PSTPIP1: variants seen among roughly 807,000 people sequenced by gnomAD.
The protein encoded by PSTPIP1 is proline-serine-threonine phosphatase interacting protein 1, also known as proline-serine-threonine phosphatase-interacting protein 1.
PSTPIP1 carries 66 observed loss-of-function variants against 69.6 expected under a neutral mutation model. The observed-to-expected ratio is 0.95, with a 90% CI of 0.78 to 1.16. The LOEUF is 1.16. Among genes scored for constraint, PSTPIP1 ranks in the 50% most tolerant of loss-of-function variants. The pLI is 0.00. For synonymous variants in PSTPIP1, 266 were observed against 222.7 expected (o/e 1.19, Z -1.73); for missense variants, 603 against 557.4 (o/e 1.08, Z -0.82).
At position 77,022,039 on chromosome 15, in the gene PSTPIP1, C is replaced by T. The variant is rs540639859; in HGVS notation, c.213-3245C>T. 3.3e-5 allele frequency among the ~76,000 whole-genome samples: 5 copies of T among 152,360 alleles called. No homozygotes were observed. The East Asian group carries it at 9.6e-4, about 29-fold the overall frequency. On this transcript the variant is annotated intron_variant, in intron 3 of 14. Transcript: ENST00000558012. ...GGTTACCAGTGGGCAGGTACAGCCC[C>T]CAAGGGGTGCAAGTTTGAATCCTCA...
rs2076592612 is a variant in PSTPIP1, at chr15:77,036,986, C to A, written c.1120-59C>A. On this transcript the variant is annotated intron_variant, in intron 14 of 14. Transcript: ENST00000558012. Reference sequence around the variant, plus strand: ...TGGGTGGGGGAACGCCAGGCCCCTCCCTGCAGGCCCTTCCCTGCAGGCCCT... The same window carrying A: ...TGGGTGGGGGAACGCCAGGCCCCTCACTGCAGGCCCTTCCCTGCAGGCCCT... 3 of 1,564,256 alleles carry A rather than the reference C, an allele frequency of 1.9e-6. No individual in the cohort carries two copies. In the East Asian group the frequency reaches 7.7e-5, roughly 40 times the overall value.
At chr15:77,016,032 C>A (rs1272755578) in intron 1 of PSTPIP1, 5 of 456,160 alleles carry the variant, frequency 1.1e-5, no homozygotes, top group Non-Finnish European at 1.8e-5. Context: ...CTCTGGGGGC[C>A]TCCATAAGGA....
intron 1 of PSTPIP1, among the ~76,000 whole-genome samples, chr15:77,008,629 C>T (rs750545421): frequency 8.5e-5 from 13 of 152,280 alleles, no homozygotes; most frequent in African/African-American, 2.6e-4. Flanking sequence ...AGGCTTGTCT[C>T]GCACTCCTGA....
At chr15:77,031,360 A>G in intron 10 of PSTPIP1, 82 bp downstream of exon 10, 1 of 1,423,274 alleles carries the variant, frequency 7.0e-7, no homozygotes, top group East Asian at 2.3e-5. Flanking sequence ...GAGCCGGTCA[A>G]CAAGCACCTG....
intron 1 of PSTPIP1, among the ~76,000 whole-genome samples, chr15:77,011,236 C>T (rs2075928666): frequency 6.6e-6 from 1 of 152,242 alleles, no homozygotes; most frequent in African/African-American, 2.4e-5. Context: ...TTGCTGAGGG[C>T]AGGTACCACA....
intron 1 of PSTPIP1, among the ~76,000 whole-genome samples, chr15:77,010,983 A>T (rs1471980264): frequency 1.3e-5 from 2 of 152,132 alleles, no homozygotes; most frequent in Non-Finnish European, 2.9e-5. Flanking sequence ...TTCATGACAC[A>T]GGAGAAAGAA....
At chr15:77,003,459 G>C (rs865861988) in intron 1 of PSTPIP1, among the ~76,000 whole-genome samples, 2 of 152,154 alleles carry the variant, frequency 1.3e-5, no homozygotes, top group African/African-American at 4.8e-5. Flanking sequence ...TTCGAGACCA[G>C]CCTGGCCACC....
chr15:77,025,240 C>T (rs768010225), intron 3 of PSTPIP1, 44 bp from the exon 4 acceptor site: 108 of 1,573,950 alleles, frequency 6.9e-5, no homozygotes, highest in Middle Eastern at 3.3e-4. Context: ...TGTAGGTTCC[C>T]GCTGTGCTCT....
chr15:77,031,497 ACT>A, intron 10 of PSTPIP1: 1 of 452,728 alleles, frequency 2.2e-6, no homozygotes, highest in Admixed American at 3.5e-5. Flanking sequence ...GAAGATGATG[ACT>A]CTGTGGTTCC....
chr15:77,026,343 A>T (rs917576411), intron 5 of PSTPIP1, among the ~76,000 whole-genome samples: 2 of 152,152 alleles, frequency 1.3e-5, no homozygotes, highest in Non-Finnish European at 2.9e-5. Flanking sequence ...GGTGCCCTGC[A>T]CAGGGTGGCA....
intron 1 of PSTPIP1, among the ~76,000 whole-genome samples, chr15:76,996,351 G>C (rs1053417757): frequency 6.6e-6 from 1 of 152,230 alleles, no homozygotes; most frequent in Admixed American, 6.5e-5. Flanking sequence ...TTGGACCCCT[G>C]GTCATCTCAG....
intron 1 of PSTPIP1, among the ~76,000 whole-genome samples, chr15:77,014,756 C>T (rs2076017016): frequency 6.6e-6 from 1 of 152,146 alleles, no homozygotes; most frequent in Non-Finnish European, 1.5e-5. Flanking sequence ...CACACCAACA[C>T]CCACCAGAGA....
At chr15:77,036,639 G>A (rs2076580325) in intron 14 of PSTPIP1, among the ~76,000 whole-genome samples, 1 of 152,152 alleles carries the variant, frequency 6.6e-6, no homozygotes, top group South Asian at 2.1e-4. Flanking sequence ...AGGCAGGGAA[G>A]CCAGGCCAGG....
chr15:77,026,897 G>C (rs566438873), intron 5 of PSTPIP1, among the ~76,000 whole-genome samples: 3 of 152,374 alleles, frequency 2.0e-5, no homozygotes, highest in Admixed American at 6.5e-5. Flanking sequence ...GGCTGCAAAG[G>C]CTGTTTTGGA....
chr15:77,029,637 A>C, intron 8 of PSTPIP1, 63 bp downstream of exon 8: 2 of 1,481,080 alleles, frequency 1.4e-6, no homozygotes, highest in Non-Finnish European at 1.8e-6. Context: ...CCCCACACAC[A>C]CCTCCTCACC....
chr15:77,009,834 C>T (rs1056447911), intron 1 of PSTPIP1, among the ~76,000 whole-genome samples: 4 of 152,196 alleles, frequency 2.6e-5, no homozygotes, highest in Non-Finnish European at 1.5e-5. Context: ...TGCCTGGACT[C>T]GCTGTGGGCC....
intron 3 of PSTPIP1, among the ~76,000 whole-genome samples, chr15:77,023,126 C>T (rs922063130): frequency 6.6e-6 from 1 of 152,248 alleles, no homozygotes; most frequent in Non-Finnish European, 1.5e-5. Context: ...CAGCCTGAGA[C>T]CATGAACCGG....
chr15:77,034,516 A>C (rs1330126076), intron 12 of PSTPIP1, among the ~76,000 whole-genome samples: 1 of 149,240 alleles, frequency 6.7e-6, no homozygotes, highest in East Asian at 2.0e-4. Flanking sequence ...TCAGCCCCTC[A>C]CCTGCATTCA....
intron 8 of PSTPIP1, among the ~76,000 whole-genome samples, chr15:77,030,256 T>C (rs964317629): frequency 1.3e-5 from 2 of 152,222 alleles, no homozygotes; most frequent in African/African-American, 2.4e-5. Flanking sequence ...GCCAATACTC[T>C]GGACTTGCAT....
Sources: allele counts gnomAD v4.1 joint callset (sites outside exome capture counted in the v4.1 genomes callset), GRCh38; gene constraint gnomAD v4.1.1; transcripts MANE v1.5; gene names NCBI Gene and HGNC (gene_info 2026-07-23, HGNC 2026-07-21).